CNTNAP2: variants seen among roughly 807,000 people sequenced by gnomAD.
The protein encoded by CNTNAP2 is contactin-associated protein-like 2.
In CNTNAP2, 98 loss-of-function variants were observed where a neutral mutation model predicts 155.2. The ratio of observed to expected loss-of-function variants is 0.63; its 90% confidence interval spans 0.54 to 0.75. The LOEUF is 0.75. Ranked by LOEUF, CNTNAP2 falls within the 30% of genes least tolerant of loss-of-function variation. CNTNAP2 has a pLI of 0.00. For synonymous variants in CNTNAP2, 651 were observed against 631.2 expected (o/e 1.03, Z -0.47); for missense variants, 1,727 against 1,688.1 (o/e 1.02, Z -0.40).
chr7:147,773,311 G>A (rs1250182627), intron 13 of CNTNAP2, among the ~76,000 whole-genome samples: 1 of 152,094 alleles, frequency 6.6e-6, no homozygotes, highest in Non-Finnish European at 1.5e-5. Context: ...AAGGATAGAA[G>A]TCTTGTTCAT....
intron 1 of CNTNAP2, among the ~76,000 whole-genome samples, chr7:146,617,357 C>A (rs975961174): frequency 6.6e-6 from 1 of 152,108 alleles, no homozygotes; most frequent in Non-Finnish European, 1.5e-5. Flanking sequence ...AATTTGTGAG[C>A]CTGTGCATTT....
At chr7:148,048,695 C>G (rs1233528811) in intron 15 of CNTNAP2, among the ~76,000 whole-genome samples, 1 of 152,140 alleles carries the variant, frequency 6.6e-6, no homozygotes, top group Non-Finnish European at 1.5e-5. Context: ...ATCCAGGTAG[C>G]CTGGGAGTCA....
In CNTNAP2 at chr7:147,935,410, C is replaced by A. The variant is rs149026724; in HGVS notation, c.2255+31689C>A. Among the ~76,000 whole-genome samples, 986 of 152,310 alleles carry A rather than the reference C, an allele frequency of 6.5e-3. 9 individuals are homozygous for A. The highest frequency in any genetic ancestry group is 0.023 in the African/African-American group (950 of 41,560). On this transcript the variant is annotated intron_variant, in intron 14 of 23. Transcript: ENST00000361727. ...GAAGTGCTGGGATTACAGGCGTGAG[C>A]CACTGCGCCCAGCCGAGTAAATCTT...
chr7:147,809,428 G>T (rs943411014), intron 13 of CNTNAP2, among the ~76,000 whole-genome samples: 10 of 152,090 alleles, frequency 6.6e-5, no homozygotes, highest in Non-Finnish European at 1.5e-4. Context: ...CCTTTTAAAT[G>T]AATATCAGAT....
intron 20 of CNTNAP2, among the ~76,000 whole-genome samples, chr7:148,255,854 G>A (rs961004505): frequency 1.3e-5 from 2 of 152,162 alleles, no homozygotes; most frequent in Non-Finnish European, 2.9e-5. Context: ...AAGCATTTCT[G>A]GGAAACTGCG....
chr7:147,452,736 T>C (rs1177279490), intron 10 of CNTNAP2, among the ~76,000 whole-genome samples: 1 of 152,158 alleles, frequency 6.6e-6, no homozygotes, highest in Non-Finnish European at 1.5e-5. Flanking sequence ...TTGATATTGC[T>C]AGATTATGGT....
intron 14 of CNTNAP2, among the ~76,000 whole-genome samples, chr7:147,972,200 C>T (rs545766094): frequency 7.2e-5 from 11 of 152,128 alleles, no homozygotes; most frequent in Non-Finnish European, 1.5e-5. Flanking sequence ...GAATTCTGTC[C>T]AGAAATTTCT....
intron 13 of CNTNAP2, among the ~76,000 whole-genome samples, chr7:147,892,751 TTTAA>T (rs1032283082): frequency 2.6e-5 from 4 of 152,224 alleles, no homozygotes; most frequent in Admixed American, 1.3e-4. Context: ...ACAATTAATT[TTTAA>T]TTAATTACCA....
chr7:147,376,829 C>T (rs1207115280), intron 9 of CNTNAP2, among the ~76,000 whole-genome samples: 1 of 151,958 alleles, frequency 6.6e-6, no homozygotes, highest in African/African-American at 2.4e-5. Flanking sequence ...CCTCTCCACA[C>T]AGTAACACTA....
chr7:146,634,146 A>G (rs558787306), intron 1 of CNTNAP2, among the ~76,000 whole-genome samples: 4 of 152,322 alleles, frequency 2.6e-5, no homozygotes, highest in South Asian at 2.1e-4. Context: ...ACATTTGCCA[A>G]TTATGTACAA....
chr7:147,366,648 C>T (rs955994367), intron 9 of CNTNAP2, among the ~76,000 whole-genome samples: 3 of 151,930 alleles, frequency 2.0e-5, no homozygotes, highest in Admixed American at 6.6e-5. Flanking sequence ...TCTTCTCTTC[C>T]GTTGCATCTC....
In CNTNAP2 at chr7:148,326,062, G is replaced by A. The variant is rs186184997; in HGVS notation, c.3476-57587G>A. 7.9e-5 allele frequency among the ~76,000 whole-genome samples: 12 copies of A among 152,052 alleles called. No individual in the cohort carries two copies. In the East Asian group the frequency reaches 1.2e-3, roughly 15 times the overall value. On this transcript the variant is annotated intron_variant, in intron 21 of 23. Coordinates refer to ENST00000361727, the MANE Select transcript of CNTNAP2 (RefSeq NM_014141.6). ...AACCCTTACTGCAAATTACTGCCAC[G>A]TGGGGAGCTTTTAAAAACCTGCAGA...
At chr7:148,196,596 C>A (rs1795282199) in intron 18 of CNTNAP2, among the ~76,000 whole-genome samples, 1 of 152,182 alleles carries the variant, frequency 6.6e-6, no homozygotes, top group African/African-American at 2.4e-5. Flanking sequence ...TTTATTCACA[C>A]AAGAATCCAA....
chr7:146,723,606 A>G (rs1801377330), intron 1 of CNTNAP2, among the ~76,000 whole-genome samples: 1 of 152,224 alleles, frequency 6.6e-6, no homozygotes, highest in African/African-American at 2.4e-5. Context: ...CTAATGACTC[A>G]CCTGGGAAGA....
chr7:148,326,620 A>G (rs1797892474), intron 21 of CNTNAP2, among the ~76,000 whole-genome samples: 1 of 151,852 alleles, frequency 6.6e-6, no homozygotes, highest in Non-Finnish European at 1.5e-5. Flanking sequence ...TAATCCCAGC[A>G]CTTTCGGAGG....
intron 12 of CNTNAP2, among the ~76,000 whole-genome samples, chr7:147,593,058 T>C (rs1425598226): frequency 1.3e-5 from 2 of 152,156 alleles, no homozygotes; most frequent in African/African-American, 2.4e-5. Flanking sequence ...TACCTAAATA[T>C]TTTTATCTTT....
At chr7:147,073,448 A>C (rs950882240) in intron 4 of CNTNAP2, among the ~76,000 whole-genome samples, 2 of 152,182 alleles carry the variant, frequency 1.3e-5, no homozygotes, top group African/African-American at 4.8e-5. Context: ...AACTAAATAA[A>C]GGAGTCAAGA....
intron 20 of CNTNAP2, among the ~76,000 whole-genome samples, chr7:148,230,298 G>A (rs547292191): frequency 2.0e-5 from 3 of 152,274 alleles, no homozygotes; most frequent in East Asian, 3.9e-4. Context: ...CACACAAAGG[G>A]ATGGTTTTAT....
chr7:148,320,376 C>CTTATTTTTTTTT (rs1797769018), intron 21 of CNTNAP2, among the ~76,000 whole-genome samples: 1 of 63,386 alleles, frequency 1.6e-5, no homozygotes, highest in African/African-American at 5.4e-5. Context: ...ATTTTTTTTT[C>CTTATTTTTTTTT]TTTTTTTTTT....
Sources: allele counts gnomAD v4.1 joint callset (sites outside exome capture counted in the v4.1 genomes callset), GRCh38; gene constraint gnomAD v4.1.1; transcripts MANE v1.5; gene names NCBI Gene and HGNC (gene_info 2026-07-23, HGNC 2026-07-21).